Variants in IL15 observed in about 807,000 individuals in gnomAD.
IL15 encodes interleukin-15.
In IL15, 11 loss-of-function variants were observed where a neutral mutation model predicts 19.6. The observed-to-expected ratio is 0.56, with a 90% CI of 0.35 to 0.93. IL15 has a LOEUF of 0.93. Among genes scored for constraint, IL15 ranks in the 40% least tolerant of loss-of-function variants. The pLI, the probability that IL15 is intolerant of heterozygous loss-of-function variation, is 0.01. For missense variants in IL15, 197 were observed against 186.5 expected (o/e 1.06, Z -0.33); for synonymous variants, 58 against 59.6 (o/e 0.97, Z 0.12).
intron 1 of IL15, among the ~76,000 whole-genome samples, chr4:141,652,715 GAGA>G (rs1727451475): frequency 1.3e-5 from 2 of 152,134 alleles, no homozygotes; most frequent in South Asian, 2.1e-4. Context: ...AAACTGTCTG[GAGA>G]AAGAGTACTG....
intron 2 of IL15, among the ~76,000 whole-genome samples, chr4:141,665,816 T>C (rs1376490123): frequency 6.6e-6 from 1 of 152,188 alleles, no homozygotes; most frequent in Non-Finnish European, 1.5e-5. Flanking sequence ...GTTGTTGATA[T>C]TATGATGTAT....
intron 2 of IL15, among the ~76,000 whole-genome samples, chr4:141,696,353 G>A (rs1729094587): frequency 6.6e-6 from 1 of 151,998 alleles, no homozygotes; most frequent in South Asian, 2.1e-4. Flanking sequence ...CATATTTCAG[G>A]TAGTATGAAG....
chr4:141,731,417 A>G (rs942635135), intron 7 of IL15, among the ~76,000 whole-genome samples: 2 of 152,182 alleles, frequency 1.3e-5, no homozygotes, highest in East Asian at 1.9e-4. Flanking sequence ...AATACTTTAC[A>G]TATGTATGAA....
At chr4:141,709,164 GT>G (rs933230423) in intron 2 of IL15, among the ~76,000 whole-genome samples, 21 of 150,378 alleles carry the variant, frequency 1.4e-4, no homozygotes, top group African/African-American at 5.1e-4. Context: ...TAATTTTTTG[GT>G]TTTGTGATCA....
At chr4:141,685,994 T>G (rs996166216) in intron 2 of IL15, among the ~76,000 whole-genome samples, 5 of 152,136 alleles carry the variant, frequency 3.3e-5, no homozygotes, top group African/African-American at 1.2e-4. Flanking sequence ...CACATCCCCC[T>G]AATCAAAAAG....
intron 4 of IL15, chr4:141,721,225 T>G: frequency 6.4e-6 from 5 of 784,026 alleles, no homozygotes; most frequent in Non-Finnish European, 1.1e-5. Context: ...CATGCTTCTG[T>G]GTAAGATCCA....
chr4:141,708,846 A>C (rs1261977572), intron 2 of IL15, among the ~76,000 whole-genome samples: 1 of 152,136 alleles, frequency 6.6e-6, no homozygotes, highest in African/African-American at 2.4e-5. Context: ...AGGTAACTAT[A>C]GTCAGTCATC....
chr4:141,732,161 T>C (rs1331591321), intron 7 of IL15, among the ~76,000 whole-genome samples: 3 of 152,164 alleles, frequency 2.0e-5, no homozygotes, highest in Non-Finnish European at 4.4e-5. Flanking sequence ...AGATGGGACA[T>C]TGAGTCCAGC....
chr4:141,636,774 G>C (rs1384625820), intron 1 of IL15, 26 bp downstream of exon 1: 4 of 152,182 alleles, frequency 2.6e-5, no homozygotes, highest in Non-Finnish European at 5.9e-5. Context: ...TCTTTGCCTT[G>C]GGAGGGGAGT....
At chr4:141,730,609 A>G (rs2152194032) in intron 7 of IL15, among the ~76,000 whole-genome samples, 1 of 152,292 alleles carries the variant, frequency 6.6e-6, no homozygotes, top group East Asian at 1.9e-4. Flanking sequence ...CAATGAAAAT[A>G]TTAATGATTC....
In IL15 at chr4:141,719,386, G is replaced by T; in HGVS notation, c.-79G>T. The stretch of plus-strand genomic sequence containing the variant: ...CCTAGATTGTATTGTAGGAGGCATT[G>T]TGGATGGATGGCTGCTGGAAACCCC... On this transcript the variant is annotated 5_prime_UTR_variant, in exon 3 of 8. Transcript: ENST00000320650. The T allele has an allele frequency of 1.4e-6, 1 of 729,410 alleles. No homozygotes were observed. Among genetic ancestry groups the T allele is most frequent in the South Asian group, 1.6e-5 (1 of 63,672 alleles). 45.2% of individuals were successfully genotyped at this position (729,410 alleles called of 1,614,324 possible).
At chr4:141,710,964 C>T (rs773250598) in intron 2 of IL15, among the ~76,000 whole-genome samples, 3 of 152,078 alleles carry the variant, frequency 2.0e-5, no homozygotes, top group Non-Finnish European at 4.4e-5. Flanking sequence ...CACATTGCTA[C>T]TTGTAAAAGT....
chr4:141,674,145 A>T (rs935115987), intron 2 of IL15, among the ~76,000 whole-genome samples: 8 of 152,180 alleles, frequency 5.3e-5, no homozygotes, highest in African/African-American at 1.9e-4. Flanking sequence ...TTTTAAGGAT[A>T]TATAGTTGGA....
chr4:141,642,281 CT>C (rs1283121961), intron 1 of IL15, among the ~76,000 whole-genome samples: 2 of 152,062 alleles, frequency 1.3e-5, no homozygotes, highest in Non-Finnish European at 2.9e-5. Flanking sequence ...AGAAATCTGC[CT>C]GCTTTGGGCA....
chr4:141,709,188 A>T (rs1729631365), intron 2 of IL15, among the ~76,000 whole-genome samples: 1 of 152,064 alleles, frequency 6.6e-6, no homozygotes, highest in South Asian at 2.1e-4. Flanking sequence ...TAATGTAACA[A>T]GTATGAATTC....
chr4:141,730,958 T>C (rs1224723752), intron 7 of IL15, among the ~76,000 whole-genome samples: 1 of 152,116 alleles, frequency 6.6e-6, no homozygotes, highest in Non-Finnish European at 1.5e-5. Flanking sequence ...ATTTATGAAG[T>C]CCAGTGGTGA....
intron 2 of IL15, among the ~76,000 whole-genome samples, chr4:141,657,783 A>G (rs1044835071): frequency 2.6e-5 from 4 of 152,184 alleles, no homozygotes; most frequent in Non-Finnish European, 4.4e-5. Flanking sequence ...CTTCTGGAAT[A>G]TCTCTGAAAG....
At chr4:141,708,005 G>A (rs188252739) in intron 2 of IL15, among the ~76,000 whole-genome samples, 25 of 152,256 alleles carry the variant, frequency 1.6e-4, no homozygotes, top group South Asian at 4.1e-4. Flanking sequence ...ACTGGATGTC[G>A]GGCTGCATGT....
At chr4:141,658,213 G>A (rs1253713680) in intron 2 of IL15, among the ~76,000 whole-genome samples, 2 of 152,180 alleles carry the variant, frequency 1.3e-5, no homozygotes, top group African/African-American at 2.4e-5. Flanking sequence ...CTCTGGCCAT[G>A]TAACACATGC....
Sources: gnomAD v4.1 joint callset for allele counts (sites outside exome capture counted in the v4.1 genomes callset) on GRCh38, gnomAD v4.1.1 for gene constraint, MANE v1.5 for transcripts, NCBI Gene and HGNC (gene_info 2026-07-23, HGNC 2026-07-21) for gene names.